The following MAGI1 variants were observed in gnomAD, a reference collection of about 807,000 sequenced individuals.
The protein encoded by MAGI1 is membrane associated guanylate kinase, WW and PDZ domain containing 1, also known as membrane-associated guanylate kinase, WW and PDZ domain-containing protein 1.
Under a neutral mutation model 139.9 loss-of-function variants are expected in MAGI1, and 58 were observed. That is an observed-to-expected ratio of 0.41 (90% confidence interval 0.34 to 0.52). The LOEUF (loss-of-function observed/expected upper bound fraction) is 0.52, where lower values mean the gene tolerates loss of function less well. MAGI1 is among the 20% of genes least tolerant of loss of function. MAGI1 has a pLI of 0.12. For synonymous variants in MAGI1, 812 were observed against 737.9 expected (o/e 1.10, Z -1.63); for missense variants, 1,874 against 1,901.6 (o/e 0.99, Z 0.27).
chr3:65,356,767 C>G lies in MAGI1; in HGVS notation c.4000G>C (p.Asp1334His), dbSNP rs773042890. Residue 1334 changes from aspartate (D) to histidine (H), a missense_variant, in exon 23 of 23, where the codon GAC becomes CAC. Coordinates refer to ENST00000402939, the MANE Select transcript of MAGI1 (RefSeq NM_001033057.2). ...TTCTCCCTCCTCTCCAAAGTGTTGT[C>G]GGCGCTGCGGGTGCCCTCCCTCCGC... Reference protein sequence around the residue: ...EKRREGTRSADNTLERREKHE... With the variant: ...EKRREGTRSAHNTLERREKHE... The G allele has an allele frequency of 5.0e-6, 8 of 1,604,308 alleles. No individual in the cohort carries two copies. Among genetic ancestry groups the G allele is most frequent in the African/African-American group, 1.3e-5 (1 of 74,558 alleles).
intron 14 of MAGI1, among the ~76,000 whole-genome samples, chr3:65,385,617 C>T (rs1169093721): frequency 6.6e-6 from 1 of 152,134 alleles, no homozygotes; most frequent in Non-Finnish European, 1.5e-5. Flanking sequence ...AGAGAAGAAA[C>T]CAAGTGACCA....
At chr3:65,508,231 G>A (rs1444336828) in intron 2 of MAGI1, among the ~76,000 whole-genome samples, 4 of 151,948 alleles carry the variant, frequency 2.6e-5, no homozygotes, top group Admixed American at 6.6e-5. Context: ...GTGAAACCCC[G>A]TCTCTACTAA....
intron 1 of MAGI1, among the ~76,000 whole-genome samples, chr3:65,795,372 T>A (rs1381906917): frequency 6.6e-6 from 1 of 152,170 alleles, no homozygotes; most frequent in Non-Finnish European, 1.5e-5. Flanking sequence ...AATGAACTGC[T>A]GATACACACA....
At chr3:65,519,586 A>G (rs1411023172) in intron 2 of MAGI1, among the ~76,000 whole-genome samples, 1 of 152,086 alleles carries the variant, frequency 6.6e-6, no homozygotes, top group Non-Finnish European at 1.5e-5. Flanking sequence ...GGGTTTCACC[A>G]CGTTGGCCAG....
At chr3:65,555,176 A>C (rs564115793) in intron 2 of MAGI1, among the ~76,000 whole-genome samples, 2 of 152,314 alleles carry the variant, frequency 1.3e-5, no homozygotes, top group East Asian at 1.9e-4. Context: ...TGATTTACTC[A>C]TTCAATTTTT....
chr3:65,363,568 T>C lies in MAGI1; in HGVS notation c.3392A>G (p.Lys1131Arg). ...FYTVELERGA[K>R]GFGFSLRGGR... is the part of the protein sequence containing the mutation. The stretch of plus-strand genomic sequence containing the variant: ...TCCTCGAAGGCTAAAGCCAAATCCC[T>C]TGGCTCCTCTTTCCAGTTCCACAGT... The change falls in exon 21 of 23, where the codon AAG becomes AGG. Residue 1131 changes from lysine (K) to arginine (R), a missense_variant. By Grantham distance (26) the Lys-to-Arg change is conservative. Coordinates refer to ENST00000402939, the MANE Select transcript of MAGI1 (RefSeq NM_001033057.2). 1 of 1,614,074 alleles carries C rather than the reference T, an allele frequency of 6.2e-7. No individual in the cohort carries two copies. Among genetic ancestry groups the C allele is most frequent in the Non-Finnish European group, 8.5e-7 (1 of 1,179,938 alleles).
Position 66,001,901 on chromosome 3 carries a change from G to T in MAGI1, c.313+36095C>A, listed in dbSNP as rs188939295. Among the ~76,000 whole-genome samples the T allele has an allele frequency of 1.1e-4, 16 of 152,310 alleles. No individual in the cohort carries two copies. In the East Asian group the frequency reaches 2.9e-3, roughly 28 times the overall value. On this transcript the variant is annotated intron_variant, in intron 1 of 22. Transcript: ENST00000402939. ...GCTCTCACATATATTAAACAAAAGT[G>T]ATCCTATATGATCACTAGCAAGGTC...
chr3:65,378,379 T>TA (rs1942735034), intron 17 of MAGI1, among the ~76,000 whole-genome samples: 1 of 152,094 alleles, frequency 6.6e-6, no homozygotes, highest in Admixed American at 6.5e-5. Context: ...CAAGCAACAG[T>TA]AAAAATATTA....
Position 66,038,546 on chromosome 3 carries a change from T to G in MAGI1, c.-238A>C. 2.0e-6 allele frequency: 1 copy of G among 498,828 alleles called. No individual in the cohort carries two copies. The allele number at this position is 498,828 out of a possible 1,614,324, so 30.9% of individuals were successfully genotyped here. On this transcript the variant is annotated 5_prime_UTR_variant, in exon 1 of 23. It removes an upstream start codon present in the reference 5' UTR. Coordinates refer to ENST00000402939, the MANE Select transcript of MAGI1 (RefSeq NM_001033057.2). ...CAGGCGCCCGCGAGCTTTGTTTGCA[T>G]TCCGGTGCCTCTGGGTCCACGTTCC...
At chr3:65,641,970 G>A (rs2085005679) in intron 1 of MAGI1, among the ~76,000 whole-genome samples, 1 of 152,182 alleles carries the variant, frequency 6.6e-6, no homozygotes, top group Admixed American at 6.5e-5. Context: ...TGTGATCGAT[G>A]ACAAGGAACA....
intron 1 of MAGI1, among the ~76,000 whole-genome samples, chr3:65,964,586 C>G (rs1044691150): frequency 1.3e-5 from 2 of 152,240 alleles, no homozygotes; most frequent in African/African-American, 4.8e-5. Flanking sequence ...GCTCCATGAA[C>G]TGTCCACAAG....
chr3:65,803,143 A>C (rs893369492), intron 1 of MAGI1, among the ~76,000 whole-genome samples: 44 of 149,510 alleles, frequency 2.9e-4, no homozygotes, highest in African/African-American at 1.1e-3. Context: ...ATAACAGCTA[A>C]ATGAGCTGAT....
intron 1 of MAGI1, among the ~76,000 whole-genome samples, chr3:65,855,429 A>G (rs538995927): frequency 1.3e-5 from 2 of 150,248 alleles, no homozygotes; most frequent in East Asian, 4.0e-4. Context: ...AAATAAAGTA[A>G]CTTTAAAAAT....
intron 2 of MAGI1, among the ~76,000 whole-genome samples, chr3:65,502,630 T>G (rs1246357672): frequency 6.6e-6 from 1 of 152,220 alleles, no homozygotes; most frequent in East Asian, 1.9e-4. Context: ...AGCTGCCTTT[T>G]TGCTGTATCT....
At chr3:66,004,308 GA>G (rs1488352278) in intron 1 of MAGI1, among the ~76,000 whole-genome samples, 4 of 152,194 alleles carry the variant, frequency 2.6e-5, no homozygotes, top group Non-Finnish European at 1.5e-5. Context: ...GGGGTGACTT[GA>G]TGGCTAAAGG....
intron 1 of MAGI1, among the ~76,000 whole-genome samples, chr3:65,925,911 A>G (rs1313489183): frequency 6.6e-6 from 1 of 152,134 alleles, no homozygotes; most frequent in East Asian, 1.9e-4. Flanking sequence ...CTCCTAGGTT[A>G]AAGCGATCCA....
intron 1 of MAGI1, among the ~76,000 whole-genome samples, chr3:65,743,049 A>C (rs764272005): frequency 7.2e-5 from 11 of 152,158 alleles, no homozygotes; most frequent in South Asian, 2.1e-4. Flanking sequence ...GAGACCCTAC[A>C]TGACTTCTCT....
intron 1 of MAGI1, among the ~76,000 whole-genome samples, chr3:65,920,016 C>T (rs2062097822): frequency 6.6e-6 from 1 of 152,186 alleles, no homozygotes; most frequent in South Asian, 2.1e-4. Context: ...TTTAAATTCA[C>T]ACAAACTTCT....
At chr3:65,734,618 C>A (rs1057168502) in intron 1 of MAGI1, among the ~76,000 whole-genome samples, 2 of 150,976 alleles carry the variant, frequency 1.3e-5, no homozygotes, top group African/African-American at 4.9e-5. Context: ...GTCTACATAA[C>A]CTTCATTATC....
Sources: gnomAD v4.1 joint callset for allele counts (sites outside exome capture counted in the v4.1 genomes callset) on GRCh38, gnomAD v4.1.1 for gene constraint, MANE v1.5 for transcripts, NCBI Gene and HGNC (gene_info 2026-07-23, HGNC 2026-07-21) for gene names.